Variants in TYK2 observed in about 807,000 individuals in gnomAD.
The protein encoded by TYK2 is non-receptor tyrosine-protein kinase TYK2.
In TYK2, 65 loss-of-function variants were observed where a neutral mutation model predicts 130.9. That is an observed-to-expected ratio of 0.50 (90% CI 0.41 to 0.61). TYK2 has a LOEUF of 0.61. TYK2 is among the 20% of genes least tolerant of loss of function. The pLI, the probability that TYK2 is intolerant of heterozygous loss-of-function variation, is 0.00. For missense variants in TYK2, 1,378 were observed against 1,610.7 expected (o/e 0.86, Z 2.47); for synonymous variants, 647 against 658.9 (o/e 0.98, Z 0.28).
chr19:10,369,301 G>A (rs2041813256), intron 3 of TYK2, among the ~76,000 whole-genome samples: 1 of 151,690 alleles, frequency 6.6e-6, no homozygotes, highest in African/African-American at 2.4e-5. Flanking sequence ...CCTTAGATAT[G>A]GCTTGTTCCA....
At chr19:10,359,409 G>T in intron 14 of TYK2, 107 bp from the exon 15 acceptor site, 2 of 1,383,508 alleles carry the variant, frequency 1.4e-6, no homozygotes, top group Non-Finnish European at 2.0e-6. Context: ...CTGGGGAGGT[G>T]TCAGGGCAGA....
At chr19:10,366,270 G>A (rs762498372) in intron 6 of TYK2, 147 bp downstream of exon 6, 254 of 823,466 alleles carry the variant, frequency 3.1e-4, no homozygotes, top group Middle Eastern at 1.1e-3. Flanking sequence ...TTGCGCCACT[G>A]TACTCCAGCC....
rs1382851761 is a variant in TYK2 at position 10,350,575 on chromosome 19, G to T, written c.*259C>A. ...TATTACCAGATGGTGGAGATGGTGG[G>T]CCTCAAGTTTGGAAGCTGGGGGATT... On this transcript the variant is annotated 3_prime_UTR_variant, in exon 25 of 25. Transcript: ENST00000525621. The T allele has an allele frequency of 1.9e-6, 1 of 518,494 alleles. No individual in the cohort carries two copies. The highest frequency in any genetic ancestry group is 1.9e-5 in the African/African-American group (1 of 52,722). The allele number at this position is 518,494 out of a possible 1,614,324, so 32.1% of individuals were successfully genotyped here.
chr19:10,357,778 G>A lies in TYK2; in HGVS notation c.2452C>T (p.Arg818Cys), dbSNP rs751075108. ...CFDGEAPLQSRSPSEKEHFYQ... is the reference protein window; with the variant it reads ...CFDGEAPLQSCSPSEKEHFYQ... ...CCTAGACATACCTCGGAGGGACTGC[G>A]GCTCTGCAGAGGGGCCTCTCCGTCA... is the stretch of plus-strand genomic sequence containing the variant. Residue 818 changes from arginine (R) to cysteine (C), a missense_variant, in exon 17 of 25, where the codon CGC becomes TGC. Physicochemically the swap from Arg to Cys is radical, Grantham distance 180. Transcript: ENST00000525621. The A allele has an allele frequency of 1.8e-5, 29 of 1,611,462 alleles. No individual in the cohort carries two copies. The highest frequency in any genetic ancestry group is 1.6e-4 in the Middle Eastern group (1 of 6,080).
chr19:10,357,664 C>T (rs918695000), intron 17 of TYK2, 100 bp downstream of exon 17: 15 of 1,503,712 alleles, frequency 1.0e-5, no homozygotes, highest in East Asian at 9.8e-5. Context: ...CTTGAAGTCA[C>T]GAGGCCAGAA....
chr19:10,359,883 G>T (rs573560062), intron 14 of TYK2, among the ~76,000 whole-genome samples: 1 of 152,202 alleles, frequency 6.6e-6, no homozygotes, highest in Non-Finnish European at 1.5e-5. Context: ...GCCAGGCATG[G>T]TGGTGGGCGC....
intron 3 of TYK2, among the ~76,000 whole-genome samples, chr19:10,372,484 ATTTTTTTTTTTTTT>A (rs1170442654): frequency 8.0e-5 from 3 of 37,436 alleles, no homozygotes; most frequent in African/African-American, 4.0e-4. Context: ...ATATATATAT[ATTTTTTTTTTTTTT>A]TTTTTTTTTG....
chr19:10,350,813 A>T lies in TYK2; in HGVS notation c.*21T>A. On this transcript the variant is annotated 3_prime_UTR_variant, in exon 25 of 25. Coordinates refer to ENST00000525621, the MANE Select transcript of TYK2 (RefSeq NM_003331.5). ...AGCCACTGCCTGGTCCAGTCCTCCC[A>T]GGCAGGGCTGCCATTGTGCCTCAGC... 1 of 1,612,332 alleles carries T rather than the reference A, an allele frequency of 6.2e-7. No individual in the cohort carries two copies. Among genetic ancestry groups the T allele is most frequent in the Non-Finnish European group, 8.5e-7 (1 of 1,179,916 alleles).
At chr19:10,363,939 C>T (rs1444625715) in intron 9 of TYK2, among the ~76,000 whole-genome samples, 1 of 152,166 alleles carries the variant, frequency 6.6e-6, no homozygotes, top group African/African-American at 2.4e-5. Flanking sequence ...GGCCAGTGAC[C>T]AGACAAAGAG....
intron 9 of TYK2, 106 bp from the exon 10 acceptor site, chr19:10,362,763 G>A (rs2041474305): frequency 1.0e-6 from 1 of 986,322 alleles, no homozygotes; most frequent in Non-Finnish European, 1.5e-6. Flanking sequence ...CACACAGCTA[G>A]GACAAGTGTC....
At chr19:10,377,344 ATG>A (rs2042157230) in intron 3 of TYK2, among the ~76,000 whole-genome samples, 2 of 146,974 alleles carry the variant, frequency 1.4e-5, no homozygotes, top group African/African-American at 5.0e-5. Context: ...GGATGGATGG[ATG>A]GATGGATGGA....
In TYK2 at chr19:10,356,653, G is replaced by A. The variant is rs753865747; in HGVS notation, c.2532C>T (p.Leu844=). Residue 844 remains leucine, a synonymous_variant, in exon 18 of 25, where the codon CTC becomes CTT. Coordinates refer to ENST00000525621, the MANE Select transcript of TYK2 (RefSeq NM_003331.5). ...PEPSCPQLAT[L]TSQCLTYEPT... ...GCTCATAGGTCAGACACTGGCTGGT[G>A]AGTGTGGCCAGCTGTGGGCAGGAGG... 4.3e-6 allele frequency: 7 copies of A among 1,613,140 alleles called. No individual in the cohort carries two copies. In the South Asian group the frequency reaches 7.7e-5, roughly 18 times the overall value.
Position 10,366,123 on chromosome 19 carries a change from T to C in TYK2, c.630-225A>G, listed in dbSNP as rs12720264. ...TTCGAGACCAGCCTGGCCAACATGA[T>C]GAAACTCAGTCTGTCTCTACTAAAA... On this transcript the variant is annotated intron_variant, in intron 6 of 24. Transcript: ENST00000525621. 7.8e-3 allele frequency among the ~76,000 whole-genome samples: 1,181 copies of C among 151,970 alleles called. 14 individuals carry two copies. The highest frequency in any genetic ancestry group is 0.027 in the African/African-American group (1,103 of 41,448).
rs12720309 is a variant in TYK2 at position 10,356,362 on chromosome 19, G to C, written c.2617+206C>G. Among the ~76,000 whole-genome samples the C allele has an allele frequency of 0.028, 4,251 of 152,292 alleles. 188 individuals are homozygous for C. Among genetic ancestry groups the C allele is most frequent in the African/African-American group, 0.096 (4,000 of 41,534 alleles). Reference sequence around the variant, plus strand: ...TCACTGCGCTCCAGGCTGGGTGACAGAGCAAGATTCCATTGCAAATAAATA... The same window carrying C: ...TCACTGCGCTCCAGGCTGGGTGACACAGCAAGATTCCATTGCAAATAAATA... On this transcript the variant is annotated intron_variant, in intron 18 of 24. Transcript: ENST00000525621.
intron 3 of TYK2, among the ~76,000 whole-genome samples, chr19:10,372,484 ATT>A (rs1170442654): frequency 1.9e-3 from 70 of 37,380 alleles, no homozygotes; most frequent in Non-Finnish European, 2.2e-3. Context: ...ATATATATAT[ATT>A]TTTTTTTTTT....
rs2041547529 is a variant in TYK2 at position 10,364,342 on chromosome 19, C to G, written c.1367+272G>C. Among the ~76,000 whole-genome samples the G allele has an allele frequency of 6.6e-6, 1 of 152,104 alleles. No homozygotes were observed. Among genetic ancestry groups the G allele is most frequent in the African/African-American group, 2.4e-5 (1 of 41,436 alleles). ...GTTGGCCAATCTGATGAAACCCCAT[C>G]TCTACAAAAATACAAAAATTAGCCT... On this transcript the variant is annotated intron_variant, in intron 9 of 24. Transcript: ENST00000525621. This position sits in a 1 kb window ranked among gnomAD's most constrained non-coding sequence, Gnocchi z 4.9.
At chr19:10,368,713 C>T (rs1197146796) in intron 3 of TYK2, 1 of 412,896 alleles carries the variant, frequency 2.4e-6, no homozygotes, top group East Asian at 5.1e-5. Flanking sequence ...ATTCTCTTGC[C>T]ACCTTCACCA....
intron 15 of TYK2, 113 bp from the exon 16 acceptor site, chr19:10,358,251 G>GGGTTTCTTT (rs2077991241): frequency 4.7e-6 from 5 of 1,067,918 alleles, no homozygotes; most frequent in Non-Finnish European, 5.2e-6. Context: ...GACTATCACT[G>GGGTTTCTTT]GGTTTCTTTC....
At chr19:10,371,236 GAGGCTGAGCTACTC>G (rs1204896779) in intron 3 of TYK2, among the ~76,000 whole-genome samples, 1 of 151,730 alleles carries the variant, frequency 6.6e-6, no homozygotes, top group African/African-American at 2.4e-5. Context: ...GAGTAGCTGG[GAGGCTGAGCTACTC>G]AGCCTCCAAA....
Sources: gnomAD v4.1 joint callset for allele counts (sites outside exome capture counted in the v4.1 genomes callset) on GRCh38, gnomAD v4.1.1 for gene constraint, Gnocchi (gnomAD v3.1) non-coding constraint, MANE v1.5 for transcripts, NCBI Gene and HGNC (gene_info 2026-07-23, HGNC 2026-07-21) for gene names.